The following FREM2 variants were observed in gnomAD, a reference collection of about 807,000 sequenced individuals.
The protein encoded by FREM2 is FRAS1-related extracellular matrix protein 2.
Under a neutral mutation model 219.9 loss-of-function variants are expected in FREM2, and 119 were observed. That is an observed-to-expected ratio of 0.54 (90% CI 0.47 to 0.63). The LOEUF is 0.63. Ranked by LOEUF, FREM2 falls within the 30% of genes least tolerant of loss-of-function variation. The pLI is 0.00. For missense variants in FREM2, 4,030 were observed against 3,993.6 expected (o/e 1.01, Z -0.25); for synonymous variants, 1,562 against 1,522.8 (o/e 1.03, Z -0.60).
rs888065233 is a variant in FREM2, at chr13:38,863,375, C to T, written c.7652-900C>T. ...AGTTTTCAACATTTATGATCCAGGA[C>T]ATCTTAGAAATTATTGAAGATCTCA... On this transcript the variant is annotated intron_variant, in intron 15 of 23. Coordinates refer to ENST00000280481, the MANE Select transcript of FREM2 (RefSeq NM_207361.6). Among the ~76,000 whole-genome samples the T allele has an allele frequency of 2.6e-5, 4 of 152,100 alleles. No individual in the cohort carries two copies. The East Asian group carries it at 7.7e-4, about 29-fold the overall frequency.
At chr13:38,753,123 C>A (rs899492188) in intron 2 of FREM2, among the ~76,000 whole-genome samples, 1 of 152,100 alleles carries the variant, frequency 6.6e-6, no homozygotes, top group African/African-American at 2.4e-5. Flanking sequence ...TCTTGACAAA[C>A]TTAACTCTTG....
At position 38,880,507 on chromosome 13, in the gene FREM2, A is replaced by G. The variant is rs772460548; in HGVS notation, c.9230A>G (p.His3077Arg). The G allele has an allele frequency of 2.5e-6, 4 of 1,614,032 alleles. No homozygotes were observed. Among genetic ancestry groups the G allele is most frequent in the African/African-American group, 1.3e-5 (1 of 74,924 alleles). The change falls in exon 24 of 24, where the codon CAC becomes CGC. Residue 3077 changes from histidine (H) to arginine (R), a missense_variant. His to Arg is a conservative substitution (Grantham distance 29). This residue lies in a region of FREM2 where 928 missense variants were observed against 1,042.9 expected (regional missense o/e 0.89). Transcript: ENST00000280481. ...AACAGTCGAGGAACAAACATCCAGC[A>G]CATTGCCCTGGACCGCACCAAGAGG... ...AENSRGTNIQ[H>R]IALDRTKRQI...
chr13:38,853,604 TA>T (rs1378571393), intron 11 of FREM2, among the ~76,000 whole-genome samples: 1 of 152,128 alleles, frequency 6.6e-6, no homozygotes, highest in African/African-American at 2.4e-5. Flanking sequence ...TGAGGCAACA[TA>T]AAAAATGGCG....
chr13:38,852,783 C>T (rs1263502437), intron 11 of FREM2, among the ~76,000 whole-genome samples: 1 of 150,818 alleles, frequency 6.6e-6, no homozygotes, highest in Non-Finnish European at 1.5e-5. Flanking sequence ...CAGCTCACTG[C>T]AGTCTCCGTG....
Position 38,766,692 on chromosome 13 carries a change from A to G in FREM2, c.5410+2242A>G, listed in dbSNP as rs918721693. Reference sequence around the variant, plus strand: ...ATTCTCAAAGATTATTATTCATTTTATAACCACTAAAACTAATAAACTAGA... The same window carrying G: ...ATTCTCAAAGATTATTATTCATTTTGTAACCACTAAAACTAATAAACTAGA... On this transcript the variant is annotated intron_variant, in intron 3 of 23. Transcript: ENST00000280481. Among the ~76,000 whole-genome samples, 13 of 152,242 alleles carry G rather than the reference A, an allele frequency of 8.5e-5. 1 individual carries two copies. The highest frequency in any genetic ancestry group is 8.5e-4 in the Admixed American group (13 of 15,290).
Position 38,861,531 on chromosome 13 carries a change from C to G in FREM2, c.7620C>G (p.Ile2540Met), listed in dbSNP as rs912636366. The change falls in exon 15 of 24, where the codon ATC becomes ATG. Residue 2540 changes from isoleucine (I) to methionine (M), a missense_variant. Around this residue, in one of 2 missense-constraint regions of FREM2, gnomAD observed 928 missense variants for 1,042.9 expected, o/e 0.89. Coordinates refer to ENST00000280481, the MANE Select transcript of FREM2 (RefSeq NM_207361.6). ...AGGATGCAGACTACACAAACCTTAT[C>G]AAGCTCACTGTCACAATGCCACACA... Reference protein sequence around the residue: ...GPEDADYTNLIKLTVTMPHID... With the variant: ...GPEDADYTNLMKLTVTMPHID... 10 of 1,609,702 alleles carry G rather than the reference C, an allele frequency of 6.2e-6. No homozygotes were observed. Among genetic ancestry groups the G allele is most frequent in the Non-Finnish European group, 8.5e-6 (10 of 1,177,518 alleles).
At chr13:38,777,872 T>C (rs2137823743) in intron 4 of FREM2, among the ~76,000 whole-genome samples, 1 of 152,364 alleles carries the variant, frequency 6.6e-6, no homozygotes, top group Non-Finnish European at 1.5e-5. Context: ...AGACCTAAAC[T>C]TGATACTGGG....
chr13:38,819,355 C>T lies in FREM2; in HGVS notation c.6020-27218C>T, dbSNP rs530536726. ...ACATAAAAACATTTCACCACCATTA[C>T]CAGAAAAGGCAAAGGCTCCAAACTT... is the stretch of plus-strand genomic sequence containing the variant. On this transcript the variant is annotated intron_variant, in intron 6 of 23. Transcript: ENST00000280481. 2.0e-3 allele frequency among the ~76,000 whole-genome samples: 311 copies of T among 152,226 alleles called. 1 individual carries two copies. The highest frequency in any genetic ancestry group is 0.01 in the Middle Eastern group (3 of 294).
chr13:38,709,360 A>G (rs1020444340), intron 2 of FREM2, among the ~76,000 whole-genome samples: 1 of 152,196 alleles, frequency 6.6e-6, no homozygotes. Context: ...ACATGGATGT[A>G]TATAGCAATA....
At chr13:38,742,350 C>G (rs1385177929) in intron 2 of FREM2, among the ~76,000 whole-genome samples, 2 of 152,178 alleles carry the variant, frequency 1.3e-5, no homozygotes, top group African/African-American at 2.4e-5. Flanking sequence ...AGAATGAGAT[C>G]AGATTCCTCA....
intron 21 of FREM2, among the ~76,000 whole-genome samples, chr13:38,877,798 TATC>T (rs1236850768): frequency 6.6e-6 from 1 of 152,238 alleles, no homozygotes; most frequent in African/African-American, 2.4e-5. Flanking sequence ...GTATATATCT[TATC>T]AACTTATTTT....
intron 6 of FREM2, among the ~76,000 whole-genome samples, chr13:38,823,690 T>C (rs1370432460): frequency 7.2e-5 from 11 of 152,148 alleles, no homozygotes; most frequent in Admixed American, 6.6e-4. Flanking sequence ...ATAATAATAA[T>C]AACTTATGGT....
intron 2 of FREM2, among the ~76,000 whole-genome samples, chr13:38,726,615 C>A (rs1270543739): frequency 6.6e-6 from 1 of 152,054 alleles, no homozygotes; most frequent in Non-Finnish European, 1.5e-5. Flanking sequence ...TGTCACTCTT[C>A]CAGATACCCT....
intron 4 of FREM2, among the ~76,000 whole-genome samples, chr13:38,778,109 G>A (rs1273600032): frequency 6.6e-6 from 1 of 152,146 alleles, no homozygotes; most frequent in African/African-American, 2.4e-5. Context: ...TCCCATACAT[G>A]GACCACTTCT....
chr13:38,766,727 A>G (rs1213777855), intron 3 of FREM2, among the ~76,000 whole-genome samples: 1 of 152,226 alleles, frequency 6.6e-6, no homozygotes, highest in African/African-American at 2.4e-5. Flanking sequence ...ATATGTATTT[A>G]TATTCCACAT....
intron 6 of FREM2, among the ~76,000 whole-genome samples, chr13:38,846,137 T>C (rs1046378444): frequency 6.7e-6 from 1 of 150,272 alleles, no homozygotes; most frequent in Non-Finnish European, 1.5e-5. Context: ...GACCAGAAAA[T>C]GGCATAATGC....
At chr13:38,696,831 A>G (rs1444989419) in intron 1 of FREM2, among the ~76,000 whole-genome samples, 1 of 149,534 alleles carries the variant, frequency 6.7e-6, no homozygotes, top group Non-Finnish European at 1.5e-5. Flanking sequence ...TTTTTGAGAC[A>G]GGGTCTCATT....
At chr13:38,724,525 A>G (rs1446643962) in intron 2 of FREM2, among the ~76,000 whole-genome samples, 1 of 152,234 alleles carries the variant, frequency 6.6e-6, no homozygotes, top group Non-Finnish European at 1.5e-5. Flanking sequence ...ATTTTTATGT[A>G]AAATACAAAT....
chr13:38,807,854 C>T (rs1875310720), intron 6 of FREM2, among the ~76,000 whole-genome samples: 1 of 151,922 alleles, frequency 6.6e-6, no homozygotes, highest in Non-Finnish European at 1.5e-5. Context: ...TTGGCTTCAA[C>T]CTAAAGTTAC....
Sources: allele counts gnomAD v4.1 joint callset (sites outside exome capture counted in the v4.1 genomes callset), GRCh38; gene constraint gnomAD v4.1.1; regional missense constraint gnomAD v4.1.1; transcripts MANE v1.5; gene names NCBI Gene and HGNC (gene_info 2026-07-23, HGNC 2026-07-21).